Variants in SUPT3H observed in about 807,000 individuals in gnomAD.
SUPT3H encodes the protein SPT3 homolog, SAGA and STAGA complex component, also known as transcription initiation protein SPT3 homolog.
In SUPT3H, 44 loss-of-function variants were observed where a neutral mutation model predicts 44.3. That is an observed-to-expected ratio of 0.99 (90% CI 0.78 to 1.28). The LOEUF is 1.28. Among genes scored for constraint, SUPT3H ranks in the 50% most tolerant of loss-of-function variants. The probability of loss-of-function intolerance (pLI) is 0.00; values close to 1 mark genes in which losing one functional copy is unlikely to be tolerated. For missense variants in SUPT3H, 380 were observed against 387.1 expected (o/e 0.98, Z 0.15); for synonymous variants, 124 against 125.6 (o/e 0.99, Z 0.09).
At chr6:45,220,237 C>T (rs1765808567) in intron 2 of SUPT3H, among the ~76,000 whole-genome samples, 1 of 151,864 alleles carries the variant, frequency 6.6e-6, no homozygotes. Context: ...ATATCAAATT[C>T]AACCATATAT....
At chr6:45,177,388 G>C (rs1476447389) in intron 2 of SUPT3H, among the ~76,000 whole-genome samples, 3 of 152,138 alleles carry the variant, frequency 2.0e-5, no homozygotes, top group African/African-American at 7.2e-5. Context: ...AAAAAGAAAC[G>C]AGTAAAGCCT....
intron 2 of SUPT3H, among the ~76,000 whole-genome samples, chr6:45,219,316 G>A (rs1016744422): frequency 2.0e-5 from 3 of 151,528 alleles, no homozygotes; most frequent in Non-Finnish European, 4.4e-5. Context: ...GAAAACAGAT[G>A]AATAAAATAG....
At chr6:45,020,821 A>T (rs897180812) in intron 3 of SUPT3H, among the ~76,000 whole-genome samples, 189 bp from the exon 4 acceptor site, 14 of 151,962 alleles carry the variant, frequency 9.2e-5, no homozygotes, top group African/African-American at 3.4e-4. Flanking sequence ...AATTAAATTA[A>T]CTTATGAGCC....
chr6:44,857,961 T>C (rs1177617041), intron 10 of SUPT3H, among the ~76,000 whole-genome samples: 2 of 152,198 alleles, frequency 1.3e-5, no homozygotes, highest in Non-Finnish European at 2.9e-5. Flanking sequence ...ATATTCATGC[T>C]GATGAGTCTG....
At chr6:45,110,326 T>C (rs1384212191) in intron 2 of SUPT3H, among the ~76,000 whole-genome samples, 4 of 152,182 alleles carry the variant, frequency 2.6e-5, no homozygotes, top group Non-Finnish European at 5.9e-5. Context: ...TTATTCTGTA[T>C]ACTTATACTG....
Position 44,834,611 on chromosome 6 carries a change from T to C in SUPT3H, c.913-4754A>G, listed in dbSNP as rs529925427. Among the ~76,000 whole-genome samples the C allele has an allele frequency of 5.9e-5, 9 of 152,328 alleles. No individual in the cohort carries two copies. In the South Asian group the frequency reaches 1.9e-3, roughly 32 times the overall value. On this transcript the variant is annotated intron_variant, in intron 10 of 10. Coordinates refer to ENST00000371459, the MANE Select transcript of SUPT3H (RefSeq NM_003599.4). ...TGGAAAGTATCTTTGTGAATTCCTC[T>C]GGCCCCATTCTTAATTTAACAGATG...
At chr6:45,295,524 C>CAAAAAAAAAAAAAAAAAAAAAA (rs752887669) in intron 2 of SUPT3H, among the ~76,000 whole-genome samples, 3 of 40,060 alleles carry the variant, frequency 7.5e-5, no homozygotes, top group East Asian at 2.5e-3. Flanking sequence ...TTTTGCACAG[C>CAAAAAAAAAAAAAAAAAAAAAA]AAAAAAAAAA....
chr6:45,038,946 C>A (rs1342252438), intron 3 of SUPT3H, among the ~76,000 whole-genome samples: 4 of 152,044 alleles, frequency 2.6e-5, no homozygotes, highest in Non-Finnish European at 5.9e-5. Context: ...TAGCATGTAA[C>A]TAGATTTAAT....
At chr6:45,367,796 A>G (rs1233519262) in intron 1 of SUPT3H, among the ~76,000 whole-genome samples, 2 of 152,160 alleles carry the variant, frequency 1.3e-5, no homozygotes, top group Non-Finnish European at 2.9e-5. Flanking sequence ...AAATCCAGTC[A>G]CCAAACCTAG....
intron 6 of SUPT3H, 84 bp from the exon 7 acceptor site, chr6:44,961,912 C>T (rs1039624452): frequency 5.7e-6 from 6 of 1,049,700 alleles, no homozygotes; most frequent in East Asian, 2.4e-5. Flanking sequence ...AATTGAAGTA[C>T]CATTTTCCTT....
intron 10 of SUPT3H, among the ~76,000 whole-genome samples, chr6:44,830,964 A>G (rs3799967): frequency 0.41 from 62,546 of 150,766 alleles, 13,427 homozygotes; most frequent in East Asian, 0.69. Flanking sequence ...CATCTTAAAA[A>G]ATAATTAAAC....
intron 10 of SUPT3H, among the ~76,000 whole-genome samples, chr6:44,868,178 G>A (rs764392382): frequency 8.5e-5 from 13 of 152,244 alleles, no homozygotes; most frequent in Non-Finnish European, 1.5e-4. Flanking sequence ...ACTCACAAAC[G>A]TGGTTCTGTG....
At chr6:44,918,767 A>G (rs1052524802) in intron 10 of SUPT3H, among the ~76,000 whole-genome samples, 1 of 152,196 alleles carries the variant, frequency 6.6e-6, no homozygotes, top group African/African-American at 2.4e-5. Context: ...TAAAATTTTT[A>G]AGGCAGAAGT....
At chr6:45,316,316 C>T (rs988367756) in intron 2 of SUPT3H, among the ~76,000 whole-genome samples, 1 of 151,356 alleles carries the variant, frequency 6.6e-6, no homozygotes, top group East Asian at 1.9e-4. Context: ...ACTCCAATAA[C>T]TTATGGAAAA....
intron 2 of SUPT3H, among the ~76,000 whole-genome samples, chr6:45,254,372 T>A (rs568187024): frequency 2.3e-4 from 35 of 152,302 alleles, no homozygotes; most frequent in Admixed American, 1.8e-3. Flanking sequence ...ATTAGCAAGC[T>A]CAAATCTGTG....
At chr6:45,002,472 T>C (rs143689373) in intron 6 of SUPT3H, among the ~76,000 whole-genome samples, 2,675 of 152,156 alleles carry the variant, frequency 0.018, 53 homozygotes, top group South Asian at 0.086. Context: ...TTTTATAATA[T>C]AAAAATATTT....
At chr6:45,212,424 C>T (rs1764240775) in intron 2 of SUPT3H, among the ~76,000 whole-genome samples, 1 of 150,932 alleles carries the variant, frequency 6.6e-6, no homozygotes, top group African/African-American at 2.4e-5. Flanking sequence ...TCCTTTTCTT[C>T]CTGGAAAATG....
chr6:44,811,637 G>A (rs1766533571), intron 11 of SUPT3H, among the ~76,000 whole-genome samples: 1 of 152,238 alleles, frequency 6.6e-6, no homozygotes, highest in African/African-American at 2.4e-5. Flanking sequence ...AATGCTGACA[G>A]GTTCTAGCTT....
chr6:44,904,310 CT>C, intron 10 of SUPT3H, among the ~76,000 whole-genome samples: 1 of 152,324 alleles, frequency 6.6e-6, no homozygotes, highest in African/African-American at 2.4e-5. Flanking sequence ...TGATAAGCAA[CT>C]TCAGCAAAGT....
Sources: gnomAD v4.1 joint callset for allele counts (sites outside exome capture counted in the v4.1 genomes callset) on GRCh38, gnomAD v4.1.1 for gene constraint, MANE v1.5 for transcripts, NCBI Gene and HGNC (gene_info 2026-07-23, HGNC 2026-07-21) for gene names.